The following BRDT variants were observed in gnomAD, a reference collection of about 807,000 sequenced individuals.
BRDT encodes bromodomain testis-specific protein.
A neutral mutation model predicts 113.9 loss-of-function variants in BRDT; 77 were observed. The ratio of observed to expected loss-of-function variants is 0.68; its 90% CI spans 0.56 to 0.82. BRDT has a LOEUF of 0.82. Ranked by LOEUF, BRDT falls within the 40% of genes least tolerant of loss-of-function variation. The pLI is 0.00. For synonymous variants in BRDT, 358 were observed against 366.5 expected (o/e 0.98, Z 0.26); for missense variants, 1,027 against 1,105.4 (o/e 0.93, Z 1.01).
At chr1:91,951,540 T>G (rs1321015016) in intron 1 of BRDT, among the ~76,000 whole-genome samples, 1 of 151,900 alleles carries the variant, frequency 6.6e-6, no homozygotes, top group East Asian at 1.9e-4. Flanking sequence ...CTCACGCCTG[T>G]AATCCCAGCA....
chr1:91,978,101 A>C (rs1389636139), intron 6 of BRDT, 67 bp from the exon 7 acceptor site: 41 of 1,388,320 alleles, frequency 3.0e-5, no homozygotes, highest in Non-Finnish European at 3.5e-5. Flanking sequence ...ATGAACATTT[A>C]ATGTACGTGG....
intron 1 of BRDT, among the ~76,000 whole-genome samples, chr1:91,955,750 G>A (rs553149752): frequency 6.6e-6 from 1 of 152,216 alleles, no homozygotes; most frequent in Non-Finnish European, 1.5e-5. Context: ...TTGCTGGACA[G>A]TGAGCTTCAC....
At chr1:92,009,961 C>T (rs1009542376) in intron 18 of BRDT, among the ~76,000 whole-genome samples, 2 of 152,130 alleles carry the variant, frequency 1.3e-5, no homozygotes, top group Non-Finnish European at 2.9e-5. Flanking sequence ...TACTTGTTCA[C>T]TGTCTCATTG....
chr1:91,965,194 G>A (rs551214476), intron 3 of BRDT, among the ~76,000 whole-genome samples: 2 of 152,146 alleles, frequency 1.3e-5, no homozygotes, highest in East Asian at 1.9e-4. Context: ...GATTATAGGT[G>A]TGAGCCACTG....
In BRDT at chr1:91,964,684, G is replaced by A. The variant is rs754757743; in HGVS notation, c.250G>A (p.Glu84Lys). Reference protein sequence around the residue: ...MDLNTIKKRLENKYYAKASEC... With the variant: ...MDLNTIKKRLKNKYYAKASEC... ...TTTAAATACAATTAAGAAGCGCTTGGAGAATAAATATTATGCGAAGGCTTC... is the reference window on the plus strand; with the variant it reads ...TTTAAATACAATTAAGAAGCGCTTGAAGAATAAATATTATGCGAAGGCTTC... Residue 84 changes from glutamate to lysine, a missense_variant, in exon 3 of 19, where the codon GAG (glutamate) becomes AAG (lysine). Transcript: ENST00000399546. 4 of 1,514,822 alleles carry A rather than the reference G, an allele frequency of 2.6e-6. No homozygotes were observed. The highest frequency in any genetic ancestry group is 1.7e-5 in the Admixed American group (1 of 57,198). 93.8% of individuals were successfully genotyped at this position (1,514,822 alleles called of 1,614,324 possible).
intron 12 of BRDT, among the ~76,000 whole-genome samples, chr1:91,985,863 C>G (rs929212384): frequency 6.6e-6 from 1 of 151,898 alleles, no homozygotes; most frequent in African/African-American, 2.4e-5. Flanking sequence ...TGGTCTCGAT[C>G]TCCTGACCTC....
intron 12 of BRDT, among the ~76,000 whole-genome samples, chr1:91,987,326 G>GT (rs554124834): frequency 2.1e-3 from 312 of 151,872 alleles, no homozygotes; most frequent in Non-Finnish European, 3.2e-3. Context: ...ATCATATTCT[G>GT]TTTTTTTGTT....
intron 12 of BRDT, among the ~76,000 whole-genome samples, chr1:91,984,792 G>A (rs539202263): frequency 2.2e-4 from 34 of 152,030 alleles, no homozygotes; most frequent in Admixed American, 1.6e-3. Context: ...CCACCACGCT[G>A]GGCTAATTTT....
chr1:91,960,665 AAG>A (rs574209559), intron 1 of BRDT, among the ~76,000 whole-genome samples: 137 of 152,344 alleles, frequency 9.0e-4, no homozygotes, highest in Non-Finnish European at 7.1e-4. Flanking sequence ...TACACTTAAA[AAG>A]AGTATGGTAA....
At chr1:91,959,980 T>C (rs1473615046) in intron 1 of BRDT, among the ~76,000 whole-genome samples, 2 of 152,152 alleles carry the variant, frequency 1.3e-5, no homozygotes, top group African/African-American at 2.4e-5. Flanking sequence ...GACCTGAGCA[T>C]TGGTATTTTT....
intron 7 of BRDT, among the ~76,000 whole-genome samples, chr1:91,979,313 A>G (rs531290533): frequency 5.3e-5 from 8 of 151,830 alleles, no homozygotes; most frequent in Non-Finnish European, 8.8e-5. Flanking sequence ...GGGTTTCTCC[A>G]TGTTGGTCAG....
chr1:92,009,744 T>G (rs1313225184), intron 18 of BRDT, among the ~76,000 whole-genome samples: 1 of 151,384 alleles, frequency 6.6e-6, no homozygotes, highest in Non-Finnish European at 1.5e-5. Flanking sequence ...TATTTATTTA[T>G]TTTTTTTGTA....
intron 15 of BRDT, 48 bp from the exon 16 acceptor site, chr1:92,002,001 T>A (rs765913508): frequency 1.5e-6 from 2 of 1,351,612 alleles, no homozygotes; most frequent in Admixed American, 3.8e-5. Context: ...TCTGGGTAAG[T>A]AGGATGAAAT....
At chr1:91,986,036 C>T (rs1283533869) in intron 12 of BRDT, among the ~76,000 whole-genome samples, 1 of 152,120 alleles carries the variant, frequency 6.6e-6, no homozygotes, top group African/African-American at 2.4e-5. Context: ...CTGGTGTCAG[C>T]ATATGCAGAT....
intron 12 of BRDT, among the ~76,000 whole-genome samples, chr1:91,984,786 C>T (rs370280880): frequency 6.6e-6 from 1 of 152,138 alleles, no homozygotes; most frequent in Non-Finnish European, 1.5e-5. Flanking sequence ...TGTGTGCCAC[C>T]ACGCTGGGCT....
intron 8 of BRDT, 88 bp downstream of exon 8, chr1:91,979,845 G>A (rs1570534175): frequency 3.2e-6 from 4 of 1,264,626 alleles, no homozygotes; most frequent in East Asian, 2.4e-5. Context: ...AGCTGTTATA[G>A]TTAAATCGCT....
At position 92,002,087 on chromosome 1, in the gene BRDT, C is replaced by T. The variant is rs1180869835; in HGVS notation, c.2326C>T (p.His776Tyr). The change falls in exon 16 of 19, where the codon CAT (histidine) becomes TAT (tyrosine). Residue 776 changes from histidine (H) to tyrosine (Y), a missense_variant. Coordinates refer to ENST00000399546, the MANE Select transcript of BRDT (RefSeq NM_207189.4). ...GCTCTCAAATGGCATAACTGTGATGCATCCATCTGGTGATAGTGACACAAC... is the reference window on the plus strand; with the variant it reads ...GCTCTCAAATGGCATAACTGTGATGTATCCATCTGGTGATAGTGACACAAC... Reference protein sequence around the residue: ...EQLSNGITVMHPSGDSDTTML... With the variant: ...EQLSNGITVMYPSGDSDTTML... 2.5e-6 allele frequency: 4 copies of T among 1,613,786 alleles called. No individual in the cohort carries two copies. The highest frequency in any genetic ancestry group is 3.4e-6 in the Non-Finnish European group (4 of 1,179,866).
At chr1:91,961,826 T>C (rs1245432426) in intron 1 of BRDT, among the ~76,000 whole-genome samples, 1 of 152,052 alleles carries the variant, frequency 6.6e-6, no homozygotes, top group Admixed American at 6.6e-5. Context: ...TGTGTTTTTG[T>C]GAAAGACAGG....
chr1:91,998,287 A>G (rs1342728940), intron 15 of BRDT, among the ~76,000 whole-genome samples: 1 of 152,124 alleles, frequency 6.6e-6, no homozygotes, highest in Admixed American at 6.6e-5. Context: ...GTTCTCACTC[A>G]TAAGTGGGAG....
Sources: allele counts gnomAD v4.1 joint callset (sites outside exome capture counted in the v4.1 genomes callset), GRCh38; gene constraint gnomAD v4.1.1; transcripts MANE v1.5; gene names NCBI Gene and HGNC (gene_info 2026-07-23, HGNC 2026-07-21).